The following CD302 variants were observed in gnomAD, a reference collection of about 807,000 sequenced individuals.
The protein encoded by CD302 is CD302 antigen.
CD302 carries 23 observed loss-of-function variants against 26.5 expected under a neutral mutation model. The ratio of observed to expected loss-of-function variants is 0.87; its 90% CI spans 0.62 to 1.23. The LOEUF is 1.23. Among genes scored for constraint, CD302 ranks in the 50% most tolerant of loss-of-function variants. The pLI is 0.00. For missense variants in CD302, 290 were observed against 275.5 expected (o/e 1.05, Z -0.37); for synonymous variants, 90 against 99.4 (o/e 0.91, Z 0.56).
Position 159,795,225 on chromosome 2 carries a change from A to G in CD302, c.67+2907T>C, listed in dbSNP as rs1031112890. On this transcript the variant is annotated intron_variant, in intron 1 of 5. Coordinates refer to ENST00000259053, the MANE Select transcript of CD302 (RefSeq NM_014880.5). ...GTGACAGAGTGAGACTCCATCTCGG[A>G]AAAAAAAAAAAAGAAAGAAAGAAAA... Among the ~76,000 whole-genome samples the G allele has an allele frequency of 1.6e-4, 23 of 144,428 alleles. No individual in the cohort carries two copies. The East Asian group carries it at 3.4e-3, about 21-fold the overall frequency. 94.8% of individuals were successfully genotyped at this position (144,428 alleles called of 152,430 possible). A position where few individuals can be genotyped will look rare whatever the true frequency, so the allele number is the denominator to read the frequency against.
chr2:159,783,543 A>G (rs1463437590), intron 1 of CD302, 74 bp from the exon 2 acceptor site: 1 of 1,152,952 alleles, frequency 8.7e-7, no homozygotes. Flanking sequence ...AGATAAGGAT[A>G]TTAGATACTA....
At chr2:159,793,476 G>C (rs960009258) in intron 1 of CD302, among the ~76,000 whole-genome samples, 1 of 151,254 alleles carries the variant, frequency 6.6e-6, no homozygotes, top group African/African-American at 2.4e-5. Context: ...AGTGATTCTT[G>C]GGACATACTT....
chr2:159,791,183 T>C (rs1054522882), intron 1 of CD302, among the ~76,000 whole-genome samples: 8 of 152,220 alleles, frequency 5.3e-5, no homozygotes, highest in Non-Finnish European at 1.2e-4. Context: ...AGAGACCTTT[T>C]CTGGCAACAA....
intron 1 of CD302, among the ~76,000 whole-genome samples, chr2:159,784,332 TG>T (rs1365586986): frequency 1.3e-5 from 2 of 150,780 alleles, no homozygotes; most frequent in Admixed American, 1.3e-4. Context: ...AGCAATTTTA[TG>T]TTTTAAGTTC....
chr2:159,787,410 A>G (rs984714950), intron 1 of CD302, among the ~76,000 whole-genome samples: 10 of 151,036 alleles, frequency 6.6e-5, no homozygotes, highest in African/African-American at 2.4e-4. Flanking sequence ...TTTCTCATTT[A>G]TTGTCTTTTT....
rs911845621 is a variant in CD302 at position 159,780,141 on chromosome 2, T to G, written c.333A>C (p.Thr111=). The G allele has an allele frequency of 2.5e-6, 4 of 1,613,974 alleles. No homozygotes were observed. The highest frequency in any genetic ancestry group is 3.4e-6 in the Non-Finnish European group (4 of 1,179,990). ...SFKWFDNSNM[T]FDKWTDQDDD... is the part of the protein sequence containing the mutation. ...CATCTTGGTCTGTCCACTTATCAAA[T>G]GTCATATTTGAATTATCAAACCACT... Residue 111 remains threonine, a synonymous_variant, in exon 4 of 6, where the codon ACA becomes ACC. Transcript: ENST00000259053.
intron 1 of CD302, among the ~76,000 whole-genome samples, chr2:159,795,224 G>GAA (rs1209872583): frequency 3.0e-5 from 4 of 134,166 alleles, no homozygotes; most frequent in African/African-American, 1.1e-4. Flanking sequence ...CTCCATCTCG[G>GAA]AAAAAAAAAA....
At chr2:159,785,234 C>T (rs539317540) in intron 1 of CD302, among the ~76,000 whole-genome samples, 15 of 152,198 alleles carry the variant, frequency 9.9e-5, no homozygotes, top group East Asian at 1.9e-4. Context: ...CTTGGGCTTC[C>T]GAAGTGCTGG....
intron 1 of CD302, among the ~76,000 whole-genome samples, chr2:159,792,726 G>T (rs918773573): frequency 6.6e-6 from 1 of 151,950 alleles, no homozygotes; most frequent in Non-Finnish European, 1.5e-5. Flanking sequence ...ATCTGCATGT[G>T]ACAAGACCAA....
chr2:159,793,035 CAA>C (rs1214477088), intron 1 of CD302, among the ~76,000 whole-genome samples: 3 of 152,162 alleles, frequency 2.0e-5, no homozygotes, highest in Non-Finnish European at 4.4e-5. Flanking sequence ...ACCTCATGAA[CAA>C]AAGACTAAAC....
In CD302 at chr2:159,770,507, G is replaced by GTA. The variant is rs1368542890; in HGVS notation, c.*1342_*1343dup. On this transcript the variant is annotated 3_prime_UTR_variant, in exon 6 of 6. Coordinates refer to ENST00000259053, the MANE Select transcript of CD302 (RefSeq NM_014880.5). ...TGCCATTAGTCAAGCTAGTGAGATA[G>GTA]TATATCTATCTATCTCCCCAGAAGA... is the stretch of plus-strand genomic sequence containing the variant. The GTA allele has an allele frequency of 1.3e-5, 2 of 152,114 alleles. No homozygotes were observed. Among genetic ancestry groups the GTA allele is most frequent in the Admixed American group, 1.3e-4 (2 of 15,270 alleles). 9.4% of individuals were successfully genotyped at this position (152,114 alleles called of 1,614,324 possible).
chr2:159,771,425 A>G lies in CD302; in HGVS notation c.*426T>C, dbSNP rs185267452. ...AGAGGAATTATCTGCCAAAAAAATA[A>G]CAATTATCAAAGATATTTAAATGTA... On this transcript the variant is annotated 3_prime_UTR_variant, in exon 6 of 6. Coordinates refer to ENST00000259053, the MANE Select transcript of CD302 (RefSeq NM_014880.5). The G allele has an allele frequency of 9.8e-5, 15 of 153,726 alleles. No homozygotes were observed. Among genetic ancestry groups the G allele is most frequent in the Non-Finnish European group, 1.3e-4 (9 of 69,006 alleles). 9.5% of individuals were successfully genotyped at this position (153,726 alleles called of 1,614,324 possible).
chr2:159,775,387 G>C (rs996300790), intron 5 of CD302, among the ~76,000 whole-genome samples: 13 of 152,144 alleles, frequency 8.5e-5, no homozygotes, highest in Non-Finnish European at 1.3e-4. Context: ...ATTCGTTTTT[G>C]AAGCCACAGA....
chr2:159,776,035 T>TA (rs1262083418), intron 5 of CD302, among the ~76,000 whole-genome samples: 1 of 143,906 alleles, frequency 6.9e-6, no homozygotes, highest in African/African-American at 2.7e-5. Flanking sequence ...TTTTTTAAAG[T>TA]AGAGTCGGGA....
At chr2:159,782,773 A>T (rs1708557721) in intron 2 of CD302, among the ~76,000 whole-genome samples, 1 of 152,088 alleles carries the variant, frequency 6.6e-6, no homozygotes, top group African/African-American at 2.4e-5. Context: ...TGATGTTATA[A>T]ATCTATTTCC....
chr2:159,796,062 A>C (rs182295950), intron 1 of CD302, among the ~76,000 whole-genome samples: 1 of 152,386 alleles, frequency 6.6e-6, no homozygotes, highest in Non-Finnish European at 1.5e-5. Context: ...ATAGCTAAGA[A>C]CAAGGTTAAG....
At chr2:159,785,529 G>A (rs1280817435) in intron 1 of CD302, among the ~76,000 whole-genome samples, 2 of 152,190 alleles carry the variant, frequency 1.3e-5, no homozygotes, top group African/African-American at 2.4e-5. Context: ...ACAGAGTCAG[G>A]AATTGGAGAC....
At chr2:159,786,346 T>C (rs74343492) in intron 1 of CD302, among the ~76,000 whole-genome samples, 2 of 149,964 alleles carry the variant, frequency 1.3e-5, no homozygotes, top group African/African-American at 4.9e-5. Flanking sequence ...TTTTTTTTTT[T>C]TTTTTGAGAC....
At chr2:159,772,134 T>A in intron 5 of CD302, 81 bp from the exon 6 acceptor site, 1 of 1,459,296 alleles carries the variant, frequency 6.9e-7, no homozygotes, top group Non-Finnish European at 9.3e-7. Flanking sequence ...ACAACTGTAG[T>A]TTTGTGTAAA....
Sources: allele counts gnomAD v4.1 joint callset (sites outside exome capture counted in the v4.1 genomes callset), GRCh38; gene constraint gnomAD v4.1.1; transcripts MANE v1.5; gene names NCBI Gene and HGNC (gene_info 2026-07-23, HGNC 2026-07-21).